Variants in DCAF6 observed in about 807,000 individuals in gnomAD.
DCAF6 encodes DDB1- and CUL4-associated factor 6.
DCAF6 carries 54 observed loss-of-function variants against 125.1 expected under a neutral mutation model. The ratio of observed to expected loss-of-function variants is 0.43; its 90% CI spans 0.35 to 0.54. DCAF6 has a LOEUF of 0.54. DCAF6 is among the 20% of genes least tolerant of loss of function. The pLI is 0.01. For synonymous variants in DCAF6, 371 were observed against 390.4 expected (o/e 0.95, Z 0.58); for missense variants, 934 against 1,161.7 (o/e 0.80, Z 2.85).
chr1:167,990,207 T>A (rs537522861), intron 5 of DCAF6, among the ~76,000 whole-genome samples: 1 of 152,184 alleles, frequency 6.6e-6, no homozygotes, highest in Non-Finnish European at 1.5e-5. Context: ...GTACAAAATT[T>A]TTTTTAAAAA....
In DCAF6 at chr1:168,015,816, A is replaced by G; in HGVS notation, c.1414A>G (p.Lys472Glu). 1 of 1,528,256 alleles carries G rather than the reference A, an allele frequency of 6.5e-7. No individual in the cohort carries two copies. Among genetic ancestry groups the G allele is most frequent in the Non-Finnish European group, 8.8e-7 (1 of 1,134,902 alleles). The allele number at this position is 1,528,256 out of a possible 1,614,324, so 94.7% of individuals were successfully genotyped here. ...GGGCCCTGAGATAGCTTTGCTTCGT[A>G]AGCGCCTGCAACAACTGAGGCTTAA... The part of the protein sequence containing the change: ...LRGPEIALLR[K>E]RLQQLRLKKA... Residue 472 changes from lysine to glutamate, a missense_variant, in exon 11 of 22, where the codon AAG becomes GAG. Around this residue, in one of 5 missense-constraint regions of DCAF6, gnomAD observed 559 missense variants for 635.5 expected, o/e 0.88. Coordinates refer to ENST00000367840, the MANE Select transcript of DCAF6 (RefSeq NM_001198956.2).
At chr1:168,052,441 G>A (rs57484294) in intron 17 of DCAF6, among the ~76,000 whole-genome samples, 4,379 of 152,190 alleles carry the variant, frequency 0.029, 218 homozygotes, top group African/African-American at 0.1. Context: ...GAGTGAATGA[G>A]GTGAGACTCA....
At chr1:168,066,292 C>A in intron 19 of DCAF6, 85 bp from the exon 20 acceptor site, 1 of 761,242 alleles carries the variant, frequency 1.3e-6, no homozygotes, top group Non-Finnish European at 2.0e-6. Context: ...GTTAGTTTTG[C>A]TATATATACA....
chr1:167,873,187 T>C, the DCAF6 span, among the ~76,000 whole-genome samples: 3 of 152,142 alleles, frequency 2.0e-5, no homozygotes, highest in African/African-American at 2.4e-5. Flanking sequence ...AAAATAAGTA[T>C]ATCCTAGGAT....
rs75624889 is a variant in DCAF6 at position 167,938,018 on chromosome 1, T to C, written c.97+1010T>C. Reference sequence around the variant, plus strand: ...ATCTCATTACAACCAACAGTTCTGGTTTGTAAATTATTTAAGAAAAGTTAG... The same window carrying C: ...ATCTCATTACAACCAACAGTTCTGGCTTGTAAATTATTTAAGAAAAGTTAG... On this transcript the variant is annotated intron_variant, in intron 1 of 21. Coordinates refer to ENST00000367840, the MANE Select transcript of DCAF6 (RefSeq NM_001198956.2). 4.6e-3 allele frequency among the ~76,000 whole-genome samples: 695 copies of C among 152,302 alleles called. 8 individuals are homozygous for C. The East Asian group carries it at 0.057, about 13-fold the overall frequency.
chr1:167,936,063 C>T (rs374785748), upstream of DCAF6: 3 of 578,592 alleles, frequency 5.2e-6, no homozygotes, highest in South Asian at 2.0e-5. Context: ...TGCCAGCCCC[C>T]GGTCCGCCTC....
the DCAF6 span, among the ~76,000 whole-genome samples, chr1:167,925,458 T>TAC: frequency 3.5e-5 from 4 of 113,722 alleles, no homozygotes; most frequent in Admixed American, 3.8e-4. Context: ...TATATATATA[T>TAC]ATATATATAT....
chr1:167,939,205 C>T (rs1303009752), intron 1 of DCAF6, among the ~76,000 whole-genome samples: 2 of 152,064 alleles, frequency 1.3e-5, no homozygotes, highest in Non-Finnish European at 2.9e-5. Context: ...ATTCAGGAAG[C>T]AGCAAAATCC....
chr1:167,880,346 G>A, the DCAF6 span: 49 of 952,342 alleles, frequency 5.1e-5, no homozygotes, highest in Admixed American at 1.3e-4. Context: ...TACATGGCCC[G>A]GAGATGCGAA....
chr1:167,875,458 C>A, the DCAF6 span, among the ~76,000 whole-genome samples: 2 of 152,188 alleles, frequency 1.3e-5, no homozygotes, highest in African/African-American at 2.4e-5. Context: ...TAGAGAAACC[C>A]CTTTCTGGGG....
At chr1:167,958,768 G>A (rs1315360634) in intron 2 of DCAF6, among the ~76,000 whole-genome samples, 1 of 152,182 alleles carries the variant, frequency 6.6e-6, no homozygotes, top group East Asian at 1.9e-4. Flanking sequence ...TGAGAGGAAG[G>A]TATGGGAATT....
At chr1:167,902,730 G>A in the DCAF6 span, among the ~76,000 whole-genome samples, 1 of 152,182 alleles carries the variant, frequency 6.6e-6, no homozygotes, top group Non-Finnish European at 1.5e-5. Context: ...TAGGCCAGGA[G>A]TTCACCATAA....
At chr1:168,065,317 G>GT (rs879159960) in intron 18 of DCAF6, among the ~76,000 whole-genome samples, 261 of 145,606 alleles carry the variant, frequency 1.8e-3, no homozygotes, top group Non-Finnish European at 1.5e-3. Flanking sequence ...ATTTTTGTCA[G>GT]TTTTTTTTTT....
intron 4 of DCAF6, 32 bp from the exon 5 acceptor site, chr1:167,987,463 A>G (rs930761025): frequency 6.8e-6 from 7 of 1,031,406 alleles, no homozygotes; most frequent in East Asian, 2.4e-5. Flanking sequence ...AAATGTTCGT[A>G]TGATTATCTG....
chr1:167,965,029 A>G (rs556440878), intron 2 of DCAF6, among the ~76,000 whole-genome samples: 21 of 152,162 alleles, frequency 1.4e-4, no homozygotes, highest in Non-Finnish European at 2.5e-4. Flanking sequence ...CAGTCCTGCT[A>G]TGTTTGGTTC....
At position 168,045,864 on chromosome 1, in the gene DCAF6, CA is replaced by C. The variant is rs1366606637; in HGVS notation, c.2258+638del. Among the ~76,000 whole-genome samples the C allele has an allele frequency of 3.3e-5, 5 of 152,046 alleles. No individual in the cohort carries two copies. In the East Asian group the frequency reaches 9.6e-4, roughly 29 times the overall value. On this transcript the variant is annotated intron_variant, in intron 16 of 21. Transcript: ENST00000367840. ...TAAAATAAATTTTTAAAGTATACTG[CA>C]TTTCATACTCATGGAAAACTATTTC...
At chr1:167,877,174 C>T in the DCAF6 span, among the ~76,000 whole-genome samples, 1 of 150,928 alleles carries the variant, frequency 6.6e-6, no homozygotes, top group African/African-American at 2.4e-5. Context: ...TGGCCATAGA[C>T]AAGTCATTTA....
intron 13 of DCAF6, among the ~76,000 whole-genome samples, chr1:168,040,986 C>A (rs1688457383): frequency 6.7e-6 from 1 of 148,474 alleles, no homozygotes; most frequent in East Asian, 2.0e-4. Flanking sequence ...ATTTTAGTTT[C>A]TTTGGCAACA....
the DCAF6 span, among the ~76,000 whole-genome samples, chr1:167,864,582 T>G: frequency 6.1e-5 from 9 of 147,002 alleles, no homozygotes; most frequent in Non-Finnish European, 1.4e-4. Context: ...AAAAGGAAAG[T>G]CAAAGAGAGA....
Sources: gnomAD v4.1 joint callset for allele counts (sites outside exome capture counted in the v4.1 genomes callset) on GRCh38, gnomAD v4.1.1 for gene constraint, gnomAD v4.1.1 regional missense constraint, MANE v1.5 for transcripts, NCBI Gene and HGNC (gene_info 2026-07-23, HGNC 2026-07-21) for gene names.